The following DLG2 variants were observed in gnomAD, a reference collection of about 807,000 sequenced individuals.
DLG2 encodes disks large homolog 2.
DLG2 carries 45 observed loss-of-function variants against 132.5 expected under a neutral mutation model. The ratio of observed to expected loss-of-function variants is 0.34; its 90% confidence interval spans 0.27 to 0.44. The LOEUF (loss-of-function observed/expected upper bound fraction) is 0.44, where lower values mean the gene tolerates loss of function less well. DLG2 is among the 20% of genes least tolerant of loss of function. DLG2 has a pLI of 1.00. For synonymous variants in DLG2, 424 were observed against 419.6 expected (o/e 1.01, Z -0.13); for missense variants, 1,045 against 1,196.9 (o/e 0.87, Z 1.87).
At chr11:83,493,461 T>C (rs1207730890) in intron 21 of DLG2, among the ~76,000 whole-genome samples, 1 of 151,650 alleles carries the variant, frequency 6.6e-6, no homozygotes, top group East Asian at 1.9e-4. Context: ...GTTTTCCCCA[T>C]GGAAATGTAA....
intron 3 of DLG2, among the ~76,000 whole-genome samples, chr11:85,482,246 G>A (rs1369731838): frequency 6.6e-6 from 1 of 152,124 alleles, no homozygotes; most frequent in Non-Finnish European, 1.5e-5. Context: ...TGTGAATATA[G>A]GATCCAGGCT....
intron 6 of DLG2, among the ~76,000 whole-genome samples, chr11:85,038,132 TATG>T (rs2061567307): frequency 6.6e-6 from 1 of 152,088 alleles, no homozygotes; most frequent in African/African-American, 2.4e-5. Flanking sequence ...GTTCATGGGG[TATG>T]ATGATTCTAG....
At chr11:84,720,470 A>G in intron 6 of DLG2, 1 of 985,270 alleles carries the variant, frequency 1.0e-6, no homozygotes, top group Non-Finnish European at 1.2e-6. Context: ...ATGGAGCGAC[A>G]GCCTAGACCG....
intron 12 of DLG2, among the ~76,000 whole-genome samples, chr11:83,969,314 C>T (rs116316049): frequency 1.3e-3 from 204 of 152,114 alleles, no homozygotes; most frequent in African/African-American, 4.8e-3. Context: ...GGTTTCTTTC[C>T]GAGTTTACAT....
At chr11:85,300,769 C>G (rs952049559) in intron 3 of DLG2, among the ~76,000 whole-genome samples, 1 of 151,908 alleles carries the variant, frequency 6.6e-6, no homozygotes. Flanking sequence ...GTTTATTTCC[C>G]AAAGGAGGAA....
chr11:85,184,919 C>T (rs146612760), intron 4 of DLG2, among the ~76,000 whole-genome samples: 563 of 151,850 alleles, frequency 3.7e-3, no homozygotes, highest in Non-Finnish European at 5.6e-3. Flanking sequence ...ACAAATGTAT[C>T]AAGTTGTTAT....
intron 4 of DLG2, among the ~76,000 whole-genome samples, chr11:85,154,973 G>C (rs2077497370): frequency 6.6e-6 from 1 of 152,214 alleles, no homozygotes; most frequent in East Asian, 1.9e-4. Context: ...TGAAGATAGA[G>C]GGCTGATTTC....
intron 19 of DLG2, among the ~76,000 whole-genome samples, chr11:83,610,004 A>G (rs585240): frequency 0.48 from 73,304 of 152,004 alleles, 18,319 homozygotes; most frequent in African/African-American, 0.59. Flanking sequence ...ATACTATGAA[A>G]TTTTGACAGT....
intron 3 of DLG2, among the ~76,000 whole-genome samples, chr11:85,589,413 C>A: frequency 1.3e-5 from 2 of 152,164 alleles, no homozygotes; most frequent in East Asian, 3.9e-4. Flanking sequence ...AAGTAATGGG[C>A]GGGGTCATAA....
intron 6 of DLG2, among the ~76,000 whole-genome samples, chr11:84,835,762 T>C (rs926334034): frequency 1.3e-5 from 2 of 151,790 alleles, no homozygotes; most frequent in Non-Finnish European, 2.9e-5. Context: ...TTTCAAAGGC[T>C]ATTATATTAA....
At position 84,682,422 on chromosome 11, in the gene DLG2, G is replaced by A. The variant is rs895374723; in HGVS notation, c.358-147691C>T. Among the ~76,000 whole-genome samples, 7 of 152,266 alleles carry A rather than the reference G, an allele frequency of 4.6e-5. No individual in the cohort carries two copies. The South Asian group carries it at 1.5e-3, about 32-fold the overall frequency. On this transcript the variant is annotated intron_variant, in intron 6 of 27. Transcript: ENST00000376104. ...CTACCACACAAAATGCAAAGGCAAG[G>A]AATATTTTGGTTCTCTCTCAACACA...
intron 2 of DLG2, among the ~76,000 whole-genome samples, chr11:85,625,697 C>T (rs2081993043): frequency 6.6e-6 from 1 of 152,182 alleles, no homozygotes; most frequent in Non-Finnish European, 1.5e-5. Flanking sequence ...AACTGGACAA[C>T]ATTTGGATCT....
chr11:85,522,486 C>T (rs1382104796), intron 3 of DLG2, among the ~76,000 whole-genome samples: 1 of 152,130 alleles, frequency 6.6e-6, no homozygotes, highest in Non-Finnish European at 1.5e-5. Flanking sequence ...AGAAGAGGGC[C>T]ACCATCCTCC....
chr11:85,465,956 C>A (rs993751907), intron 3 of DLG2, among the ~76,000 whole-genome samples: 7 of 152,136 alleles, frequency 4.6e-5, no homozygotes. Flanking sequence ...TCCACATCCT[C>A]TCCAGCACCT....
intron 4 of DLG2, among the ~76,000 whole-genome samples, chr11:85,184,130 C>T (rs1482784178): frequency 6.6e-6 from 1 of 151,790 alleles, no homozygotes; most frequent in Non-Finnish European, 1.5e-5. Flanking sequence ...CTCAACATAG[C>T]TTGTTCAGAT....
intron 6 of DLG2, among the ~76,000 whole-genome samples, chr11:84,853,969 G>T (rs551586032): frequency 1.3e-5 from 2 of 152,128 alleles, no homozygotes; most frequent in African/African-American, 4.8e-5. Flanking sequence ...TTGAAATGTG[G>T]TATGTGAGCT....
At position 85,587,985 on chromosome 11, in the gene DLG2, G is replaced by A. The variant is rs184086189; in HGVS notation, c.40+10672C>T. Among the ~76,000 whole-genome samples, 328 of 152,226 alleles carry A rather than the reference G, an allele frequency of 2.2e-3. 1 individual carries two copies. The highest frequency in any genetic ancestry group is 7.6e-3 in the African/African-American group (315 of 41,530). On this transcript the variant is annotated intron_variant, in intron 3 of 27. Coordinates refer to ENST00000376104, the MANE Select transcript of DLG2 (RefSeq NM_001142699.3). ...AGTTTTGCTGGATACAAAATTCTTG[G>A]CTGAAATATACTGTGTTTGAGGAGG...
At chr11:84,079,559 A>G (rs576577081) in intron 10 of DLG2, among the ~76,000 whole-genome samples, 2 of 152,312 alleles carry the variant, frequency 1.3e-5, no homozygotes, top group African/African-American at 4.8e-5. Flanking sequence ...TTGGGATTAC[A>G]GGCATGAGCC....
chr11:85,266,497 G>T (rs1315895995), intron 4 of DLG2, among the ~76,000 whole-genome samples: 1 of 152,122 alleles, frequency 6.6e-6, no homozygotes, highest in East Asian at 1.9e-4. Context: ...ATCAGGAGAA[G>T]TACCTAATGT....
Sources: allele counts gnomAD v4.1 joint callset (sites outside exome capture counted in the v4.1 genomes callset), GRCh38; gene constraint gnomAD v4.1.1; transcripts MANE v1.5; gene names NCBI Gene and HGNC (gene_info 2026-07-23, HGNC 2026-07-21).